CDKN2B-AS1: variants seen among roughly 807,000 people sequenced by gnomAD.
CDKN2B-AS1 encodes the protein CDKN2B antisense RNA 1 (non-protein coding).
At chr9:22,012,611 T>A in intron 1 of CDKN2B-AS1, 1 of 411,532 alleles carries the variant, frequency 2.4e-6, no homozygotes, top group Non-Finnish European at 4.6e-6. Flanking sequence ...AGTGTCCCTT[T>A]CATTGACTGG....
chr9:22,035,913 A>C (rs1475491893), intron 1 of CDKN2B-AS1, among the ~76,000 whole-genome samples: 4 of 152,170 alleles, frequency 2.6e-5, no homozygotes, highest in Non-Finnish European at 5.9e-5. Context: ...AATTGCATCA[A>C]TCACGGTGAA....
intron 1 of CDKN2B-AS1, chr9:22,004,307 G>T (rs1821062907): frequency 4.3e-6 from 1 of 232,356 alleles, no homozygotes; most frequent in Non-Finnish European, 8.5e-6. Flanking sequence ...ACTCTCAAAT[G>T]ACTTGTTTCT....
Position 22,056,234 on chromosome 9 carries a change from A to ATATATTTTTTTTT in CDKN2B-AS1, n.303-17_303-16insATATTTTTTTTTT, listed in dbSNP as rs777560826. On this transcript the variant is annotated splice_polypyrimidine_tract_variant and intron_variant and non_coding_transcript_variant, in intron 3 of 4. Transcript: ENST00000650946. Reference sequence around the variant, plus strand: ...TGTGTATATATATATATATATATATATTTTTTTTTTTTTCCAGTAGAGACG... The same window carrying ATATATTTTTTTTT: ...TGTGTATATATATATATATATATATATATATTTTTTTTTTTTTTTTTTTTTTCCAGTAGAGACG... The ATATATTTTTTTTT allele has an allele frequency of 6.1e-5, 6 of 98,282 alleles. No individual in the cohort carries two copies. The East Asian group carries it at 2.0e-3, about 32-fold the overall frequency. 6.1% of individuals were successfully genotyped at this position (98,282 alleles called of 1,614,324 possible).
At chr9:22,126,434 C>T (rs561585531) in intron 4 of CDKN2B-AS1, among the ~76,000 whole-genome samples, 14 of 152,068 alleles carry the variant, frequency 9.2e-5, no homozygotes, top group African/African-American at 3.4e-4. Context: ...AAAACAATAA[C>T]AACGATTAAA....
chr9:22,059,846 C>A (rs946899634), intron 4 of CDKN2B-AS1, among the ~76,000 whole-genome samples: 4 of 152,252 alleles, frequency 2.6e-5, no homozygotes, highest in African/African-American at 9.6e-5. Flanking sequence ...AGGGTCAACA[C>A]CACGTGGAAG....
chr9:22,026,135 T>G (rs1055327016), intron 1 of CDKN2B-AS1, among the ~76,000 whole-genome samples: 2 of 150,926 alleles, frequency 1.3e-5, no homozygotes, highest in Non-Finnish European at 2.9e-5. Flanking sequence ...GTCGGGCAGC[T>G]GTTCTGTGCT....
intron 3 of CDKN2B-AS1, among the ~76,000 whole-genome samples, chr9:22,049,751 A>G (rs1018413554): frequency 4.6e-5 from 7 of 152,236 alleles, no homozygotes; most frequent in South Asian, 2.1e-4. Context: ...CACTTAAGGC[A>G]TCATGTATAG....
At chr9:22,038,855 C>A (rs1340220668) in intron 1 of CDKN2B-AS1, among the ~76,000 whole-genome samples, 2 of 151,936 alleles carry the variant, frequency 1.3e-5, no homozygotes, top group Admixed American at 1.3e-4. Context: ...TGCTTATCTC[C>A]TTTTGTACTA....
At chr9:22,003,734 G>A (rs1162174170) in intron 1 of CDKN2B-AS1, 2 of 231,692 alleles carry the variant, frequency 8.6e-6, no homozygotes, top group East Asian at 1.2e-4. Flanking sequence ...AAAAATTTGG[G>A]TTTTTATAGG....
rs578133064 is a variant in CDKN2B-AS1 at position 22,123,926 on chromosome 9, C to T, written n.439-3177C>T. Among the ~76,000 whole-genome samples the T allele has an allele frequency of 2.0e-4, 30 of 152,164 alleles. No individual in the cohort carries two copies. In the South Asian group the frequency reaches 2.3e-3, roughly 12 times the overall value. On this transcript the variant is annotated intron_variant and non_coding_transcript_variant, in intron 4 of 4. Coordinates refer to ENST00000650946, the Ensembl canonical transcript of CDKN2B-AS1. ...CTCTATAGATAGATGTGTAAGCAGA[C>T]GCTGAATAACCATTTACTGAAAATA...
chr9:22,120,286 G>A (rs1826064701), intron 4 of CDKN2B-AS1: 1 of 152,240 alleles, frequency 6.6e-6, no homozygotes. Flanking sequence ...GCTAGGGCCA[G>A]AGTCAAGATT....
At position 22,005,817 on chromosome 9, in the gene CDKN2B-AS1, T is replaced by G; in HGVS notation, n.29+10656T>G. On this transcript the variant is annotated intron_variant and non_coding_transcript_variant, in intron 1 of 4. Coordinates refer to ENST00000650946, the Ensembl canonical transcript of CDKN2B-AS1. This position sits in a 1 kb window ranked among gnomAD's most constrained non-coding sequence, Gnocchi z 4.9. ...GCCAGATAAGACAAAGAAAAAAATG[T>G]ATGGAAGGTTATTCCCGGTCGGCTC... is the stretch of plus-strand genomic sequence containing the variant. 1.2e-6 allele frequency: 1 copy of G among 808,994 alleles called. No homozygotes were observed. The highest frequency in any genetic ancestry group is 2.0e-6 in the Non-Finnish European group (1 of 508,142). 50.1% of individuals were successfully genotyped at this position (808,994 alleles called of 1,614,324 possible). A position where few individuals can be genotyped will look rare whatever the true frequency, so the allele number is the denominator to read the frequency against.
At chr9:22,105,759 C>A (rs976870592) in intron 4 of CDKN2B-AS1, among the ~76,000 whole-genome samples, 8 of 152,296 alleles carry the variant, frequency 5.3e-5, no homozygotes, top group South Asian at 4.1e-4. Flanking sequence ...CCCAGAAATA[C>A]TGTTGTGGCA....
chr9:22,009,769 T>G (rs534739643), intron 1 of CDKN2B-AS1, among the ~76,000 whole-genome samples: 2 of 152,336 alleles, frequency 1.3e-5, no homozygotes, highest in South Asian at 4.1e-4. Context: ...CAGGCAGTAC[T>G]TGGGCTTCAC....
At chr9:22,054,610 T>A (rs1030133623) in intron 3 of CDKN2B-AS1, among the ~76,000 whole-genome samples, 2 of 152,008 alleles carry the variant, frequency 1.3e-5, no homozygotes, top group African/African-American at 4.8e-5. Flanking sequence ...AAATATCAAA[T>A]GATAGGATTG....
chr9:22,048,471 A>G (rs1272369094), intron 2 of CDKN2B-AS1, among the ~76,000 whole-genome samples: 1 of 152,196 alleles, frequency 6.6e-6, no homozygotes, highest in Non-Finnish European at 1.5e-5. Context: ...TTAGTCTGGC[A>G]GATAAGAGGT....
rs1462162161 is a variant in CDKN2B-AS1 at position 21,999,140 on chromosome 9, C to G, written n.29+3979C>G. ...TTTGACAAAGTTGTCAGGAAACAATCACTCTTACTATTACAACTTGGTGTA... is the reference window on the plus strand; with the variant it reads ...TTTGACAAAGTTGTCAGGAAACAATGACTCTTACTATTACAACTTGGTGTA... On this transcript the variant is annotated intron_variant and non_coding_transcript_variant, in intron 1 of 4. Transcript: ENST00000650946. This position sits in a 1 kb window ranked among gnomAD's most constrained non-coding sequence, Gnocchi z 4.7. Among the ~76,000 whole-genome samples the G allele has an allele frequency of 6.6e-6, 1 of 152,054 alleles. No individual in the cohort carries two copies. The highest frequency in any genetic ancestry group is 2.4e-5 in the African/African-American group (1 of 41,436).
chr9:22,068,042 G>A (rs1451495143), intron 4 of CDKN2B-AS1, among the ~76,000 whole-genome samples: 3 of 152,064 alleles, frequency 2.0e-5, no homozygotes, highest in Admixed American at 6.6e-5. Context: ...GTGTAGCCCC[G>A]AAGCTTCATA....
intron 1 of CDKN2B-AS1, among the ~76,000 whole-genome samples, chr9:22,037,199 A>G (rs184910726): frequency 6.4e-4 from 98 of 152,220 alleles, no homozygotes; most frequent in African/African-American, 2.0e-3. Flanking sequence ...AGCAATTCTC[A>G]TTTGGATTCC....
Sources: gnomAD v4.1 joint callset for allele counts (sites outside exome capture counted in the v4.1 genomes callset) on GRCh38, gnomAD v4.1.1 for gene constraint, Gnocchi (gnomAD v3.1) non-coding constraint, MANE v1.5 for transcripts, NCBI Gene and HGNC (gene_info 2026-07-23, HGNC 2026-07-21) for gene names.